PCNX2: variants seen among roughly 807,000 people sequenced by gnomAD.
PCNX2 encodes pecanex-like protein 2.
In PCNX2, 168 loss-of-function variants were observed where a neutral mutation model predicts 223.8. That is an observed-to-expected ratio of 0.75 (90% confidence interval 0.66 to 0.85). PCNX2 has a LOEUF of 0.85. Ranked by LOEUF, PCNX2 falls within the 40% of genes least tolerant of loss-of-function variation. PCNX2 has a pLI of 0.00. For synonymous variants in PCNX2, 1,006 were observed against 1,052.6 expected, an observed-to-expected ratio of 0.96 and a Z score of 0.86; for missense variants, 2,507 against 2,675.5, an observed-to-expected ratio of 0.94 and a Z score of 1.39.
chr1:233,011,910 C>T (rs780558569), intron 28 of PCNX2, among the ~76,000 whole-genome samples: 1 of 152,068 alleles, frequency 6.6e-6, no homozygotes, highest in Non-Finnish European at 1.5e-5. Context: ...ATTCATTGAC[C>T]CCAAAGAGGG....
At chr1:233,174,691 A>G (rs1204427924) in intron 17 of PCNX2, among the ~76,000 whole-genome samples, 1 of 152,188 alleles carries the variant, frequency 6.6e-6, no homozygotes, top group Non-Finnish European at 1.5e-5. Context: ...ACAGTGAAAC[A>G]AACAAATCTA....
intron 23 of PCNX2, among the ~76,000 whole-genome samples, chr1:233,083,663 T>C (rs544313019): frequency 1.3e-5 from 2 of 152,308 alleles, no homozygotes; most frequent in East Asian, 3.9e-4. Flanking sequence ...TGTTGTTAGA[T>C]AAACCATAAA....
At chr1:233,158,968 G>A (rs1463469143) in intron 19 of PCNX2, among the ~76,000 whole-genome samples, 2 of 152,190 alleles carry the variant, frequency 1.3e-5, no homozygotes, top group African/African-American at 4.8e-5. Context: ...AACCATTATA[G>A]ATGGAACCTT....
intron 13 of PCNX2, among the ~76,000 whole-genome samples, chr1:233,206,024 C>T (rs1400800348): frequency 2.0e-5 from 3 of 152,028 alleles, no homozygotes; most frequent in Non-Finnish European, 4.4e-5. Flanking sequence ...GGGGAGGCCG[C>T]AGAACAGCTT....
At chr1:233,013,133 G>A (rs1019043757) in intron 28 of PCNX2, among the ~76,000 whole-genome samples, 1 of 152,188 alleles carries the variant, frequency 6.6e-6, no homozygotes, top group Non-Finnish European at 1.5e-5. Context: ...AGAGACCAGA[G>A]GCCAGCCAGC....
intron 23 of PCNX2, among the ~76,000 whole-genome samples, chr1:233,064,441 C>T (rs1279289529): frequency 6.6e-6 from 1 of 152,186 alleles, no homozygotes; most frequent in Non-Finnish European, 1.5e-5. Context: ...CTTGTTCCTT[C>T]TCTGTGTTGG....
chr1:233,038,018 G>A (rs900666248), intron 25 of PCNX2, among the ~76,000 whole-genome samples: 1 of 152,140 alleles, frequency 6.6e-6, no homozygotes, highest in African/African-American at 2.4e-5. Flanking sequence ...AGTTTCCAGG[G>A]CACTGATTCT....
intron 1 of PCNX2, among the ~76,000 whole-genome samples, chr1:233,270,279 T>A (rs1245483823): frequency 6.6e-6 from 1 of 152,224 alleles, no homozygotes; most frequent in Non-Finnish European, 1.5e-5. Context: ...CAAAATAATA[T>A]TTCTTACATA....
chr1:233,284,886 T>G (rs563300470), intron 1 of PCNX2: 2 of 890,300 alleles, frequency 2.2e-6, no homozygotes, highest in South Asian at 5.2e-5. Flanking sequence ...CCCTCAACCA[T>G]AGTGACTGGT....
chr1:233,313,605 G>T, the PCNX2 span, among the ~76,000 whole-genome samples: 1 of 151,814 alleles, frequency 6.6e-6, no homozygotes, highest in Non-Finnish European at 1.5e-5. Context: ...AATGAAGAAA[G>T]AAAGAGGAAA....
In PCNX2 at chr1:233,126,831, C is replaced by T. The variant is rs1010925161; in HGVS notation, c.3837+8182G>A. ...GCTAACATCCTTTTCCCAAAAACGT[C>T]TTTCTCTTCTTTATTATTCCCTAAT... On this transcript the variant is annotated intron_variant, in intron 21 of 33. Coordinates refer to ENST00000258229, the MANE Select transcript of PCNX2 (RefSeq NM_014801.4). This position sits in a 1 kb window ranked among gnomAD's most constrained non-coding sequence, Gnocchi z 4.8. Among the ~76,000 whole-genome samples, 6 of 152,090 alleles carry T rather than the reference C, an allele frequency of 3.9e-5. No homozygotes were observed. Among genetic ancestry groups the T allele is most frequent in the Non-Finnish European group, 8.8e-5 (6 of 68,022 alleles).
At chr1:233,087,392 C>A (rs371331624) in intron 23 of PCNX2, among the ~76,000 whole-genome samples, 12 of 151,946 alleles carry the variant, frequency 7.9e-5, no homozygotes, top group Admixed American at 7.9e-4. Flanking sequence ...TCTTTTCAGG[C>A]GGCCCTTTTA....
At chr1:233,190,193 G>C (rs1680338795) in intron 15 of PCNX2, among the ~76,000 whole-genome samples, 1 of 152,026 alleles carries the variant, frequency 6.6e-6, no homozygotes, top group African/African-American at 2.4e-5. Context: ...AATCCATCAT[G>C]ATGCACTAGA....
At position 233,162,506 on chromosome 1, in the gene PCNX2, C is replaced by T. The variant is rs778042536; in HGVS notation, c.3274-1143G>A. Among the ~76,000 whole-genome samples, 10 of 152,100 alleles carry T rather than the reference C, an allele frequency of 6.6e-5. 1 individual carries two copies. The South Asian group carries it at 8.3e-4, about 13-fold the overall frequency. ...TGATAAAAAGAAACAGTGAAAAAGT[C>T]GGGACCCTAGATTTATTCATAGTAA... On this transcript the variant is annotated intron_variant, in intron 17 of 33. Transcript: ENST00000258229.
At chr1:233,217,563 C>T (rs1392825549) in intron 12 of PCNX2, among the ~76,000 whole-genome samples, 1 of 152,146 alleles carries the variant, frequency 6.6e-6, no homozygotes, top group Non-Finnish European at 1.5e-5. Flanking sequence ...GTGGAGGAAT[C>T]AGGACACAAA....
chr1:233,064,369 T>C (rs1356037691), intron 23 of PCNX2, among the ~76,000 whole-genome samples: 1 of 152,212 alleles, frequency 6.6e-6, no homozygotes, highest in Non-Finnish European at 1.5e-5. Flanking sequence ...AAAAGATTAG[T>C]ATTGTCCATT....
chr1:233,211,425 A>C (rs911054539), intron 12 of PCNX2, among the ~76,000 whole-genome samples: 1 of 151,622 alleles, frequency 6.6e-6, no homozygotes, highest in African/African-American at 2.4e-5. Flanking sequence ...CCCTCTCCTG[A>C]CCAGCTATTC....
At chr1:233,248,551 A>G (rs552318984) in intron 8 of PCNX2, among the ~76,000 whole-genome samples, 1 of 152,050 alleles carries the variant, frequency 6.6e-6, no homozygotes, top group Non-Finnish European at 1.5e-5. Context: ...CAGGAGAGCG[A>G]TGGAAATGGC....
chr1:233,196,589 G>T (rs1680748812), intron 15 of PCNX2, among the ~76,000 whole-genome samples: 2 of 152,242 alleles, frequency 1.3e-5, no homozygotes, highest in South Asian at 4.1e-4. Context: ...TTATACAAAT[G>T]TGAAACATAC....
Sources: gnomAD v4.1 joint callset for allele counts (sites outside exome capture counted in the v4.1 genomes callset) on GRCh38, gnomAD v4.1.1 for gene constraint, Gnocchi (gnomAD v3.1) non-coding constraint, MANE v1.5 for transcripts, NCBI Gene and HGNC (gene_info 2026-07-23, HGNC 2026-07-21) for gene names.